The following LRRC4C variants were observed in gnomAD, a reference collection of about 807,000 sequenced individuals.
LRRC4C encodes leucine rich repeat containing 4C, also known as leucine-rich repeat-containing protein 4C.
LRRC4C carries 5 observed loss-of-function variants against 33.6 expected under a neutral mutation model. The observed-to-expected ratio is 0.15, with a 90% CI of 0.08 to 0.31. The LOEUF (loss-of-function observed/expected upper bound fraction) is 0.31. LRRC4C is among the 10% of genes least tolerant of loss of function. The pLI is 1.00. For synonymous variants in LRRC4C, 329 were observed against 302.0 expected, an observed-to-expected ratio of 1.09 and a Z score of -0.93; for missense variants, 560 against 796.7, an observed-to-expected ratio of 0.70 and a Z score of 3.58.
chr11:40,305,917 A>G (rs762578343), intron 4 of LRRC4C, among the ~76,000 whole-genome samples: 1 of 152,218 alleles, frequency 6.6e-6, no homozygotes, highest in Admixed American at 6.5e-5. Flanking sequence ...TAATAAATGT[A>G]TGATACCAAG....
chr11:41,152,441 T>C (rs1476253678), intron 1 of LRRC4C, among the ~76,000 whole-genome samples: 2 of 152,192 alleles, frequency 1.3e-5, no homozygotes, highest in African/African-American at 4.8e-5. Flanking sequence ...AAGTCCCTGA[T>C]AGCCTGATGG....
At chr11:40,426,553 AG>A (rs1477539416) in intron 3 of LRRC4C, among the ~76,000 whole-genome samples, 2 of 152,156 alleles carry the variant, frequency 1.3e-5, no homozygotes, top group Non-Finnish European at 2.9e-5. Flanking sequence ...TTAGCTCTGC[AG>A]CTACCGATCT....
At chr11:41,056,458 A>G (rs1255250006) in intron 1 of LRRC4C, among the ~76,000 whole-genome samples, 1 of 152,194 alleles carries the variant, frequency 6.6e-6, no homozygotes, top group Non-Finnish European at 1.5e-5. Context: ...AAAAGACATT[A>G]TCAACAGATT....
intron 3 of LRRC4C, among the ~76,000 whole-genome samples, chr11:40,604,376 A>G (rs1960343606): frequency 6.6e-6 from 1 of 152,118 alleles, no homozygotes; most frequent in Non-Finnish European, 1.5e-5. Flanking sequence ...ATTGGGTACA[A>G]TATCATCTTA....
At chr11:40,475,711 C>A (rs1953181453) in intron 3 of LRRC4C, among the ~76,000 whole-genome samples, 1 of 152,114 alleles carries the variant, frequency 6.6e-6, no homozygotes, top group African/African-American at 2.4e-5. Context: ...CTTTGATATA[C>A]ACAATTGATA....
chr11:40,198,749 T>G (rs1862470217), intron 5 of LRRC4C, among the ~76,000 whole-genome samples: 1 of 152,204 alleles, frequency 6.6e-6, no homozygotes, highest in Non-Finnish European at 1.5e-5. Context: ...GCTTTCTAAA[T>G]GGATGCTAGT....
intron 1 of LRRC4C, among the ~76,000 whole-genome samples, chr11:41,428,189 G>T (rs1026797538): frequency 1.3e-5 from 2 of 152,204 alleles, no homozygotes; most frequent in South Asian, 4.1e-4. Context: ...GAAGGGCTCC[G>T]GAGGCAGTTT....
At chr11:40,212,445 C>A (rs1326177771) in intron 5 of LRRC4C, among the ~76,000 whole-genome samples, 1 of 147,082 alleles carries the variant, frequency 6.8e-6, no homozygotes. Context: ...TTACAAGGGC[C>A]CAGGCAAGAC....
intron 3 of LRRC4C, among the ~76,000 whole-genome samples, chr11:40,459,297 T>G (rs1023764181): frequency 1.3e-5 from 2 of 152,182 alleles, no homozygotes; most frequent in African/African-American, 2.4e-5. Flanking sequence ...TGCAATTTAT[T>G]TGAAAGATCT....
chr11:41,402,168 A>T (rs985252373), intron 1 of LRRC4C, among the ~76,000 whole-genome samples: 1 of 152,054 alleles, frequency 6.6e-6, no homozygotes, highest in African/African-American at 2.4e-5. Flanking sequence ...GACAGAACAA[A>T]CACTCAAAGA....
At chr11:41,090,069 T>A (rs1292558984) in intron 1 of LRRC4C, among the ~76,000 whole-genome samples, 1 of 152,094 alleles carries the variant, frequency 6.6e-6, no homozygotes, top group African/African-American at 2.4e-5. Flanking sequence ...TATTTTACTA[T>A]ATTTAGGGAA....
intron 1 of LRRC4C, among the ~76,000 whole-genome samples, chr11:41,072,496 TA>T (rs1938777534): frequency 1.3e-5 from 2 of 152,036 alleles, no homozygotes; most frequent in Non-Finnish European, 2.9e-5. Flanking sequence ...TTTAATAGTC[TA>T]TAGCACTTCC....
At chr11:40,822,254 G>T (rs981054360) in intron 2 of LRRC4C, among the ~76,000 whole-genome samples, 2 of 150,632 alleles carry the variant, frequency 1.3e-5, no homozygotes, top group Non-Finnish European at 3.0e-5. Context: ...TGTGATATTT[G>T]TCTTTCTGTG....
intron 3 of LRRC4C, among the ~76,000 whole-genome samples, chr11:40,457,845 T>A (rs540778619): frequency 6.6e-6 from 1 of 152,256 alleles, no homozygotes; most frequent in South Asian, 2.1e-4. Context: ...TAGTATGAAA[T>A]TTTTTATGTC....
intron 2 of LRRC4C, among the ~76,000 whole-genome samples, chr11:40,924,835 A>T (rs1032016580): frequency 6.6e-6 from 1 of 152,180 alleles, no homozygotes; most frequent in African/African-American, 2.4e-5. Flanking sequence ...GAAAATATAG[A>T]TGAGAAAATC....
intron 3 of LRRC4C, among the ~76,000 whole-genome samples, chr11:40,514,692 T>A (rs1309845352): frequency 6.6e-6 from 1 of 152,106 alleles, no homozygotes; most frequent in Non-Finnish European, 1.5e-5. Context: ...TCAACCTCCC[T>A]TATATGTTGT....
intron 1 of LRRC4C, among the ~76,000 whole-genome samples, chr11:41,437,598 T>G (rs1955474666): frequency 6.6e-6 from 1 of 152,222 alleles, no homozygotes; most frequent in South Asian, 2.1e-4. Context: ...TTTTCCAAAA[T>G]GCTTCTGCCC....
At chr11:40,209,997 AT>A (rs897755335) in intron 5 of LRRC4C, among the ~76,000 whole-genome samples, 4 of 152,290 alleles carry the variant, frequency 2.6e-5, no homozygotes, top group African/African-American at 9.6e-5. Context: ...ATAGTACAGG[AT>A]CCTTTAGGAA....
chr11:40,640,188 T>C (rs1477831411), intron 3 of LRRC4C, among the ~76,000 whole-genome samples: 1 of 152,218 alleles, frequency 6.6e-6, no homozygotes, highest in Non-Finnish European at 1.5e-5. Context: ...CTTTTACACG[T>C]ATTTTTAATA....
Sources: gnomAD v4.1 joint callset for allele counts (sites outside exome capture counted in the v4.1 genomes callset) on GRCh38, gnomAD v4.1.1 for gene constraint, MANE v1.5 for transcripts, NCBI Gene and HGNC (gene_info 2026-07-23, HGNC 2026-07-21) for gene names.